LRRC4B: variants seen among roughly 807,000 people sequenced by gnomAD.
LRRC4B encodes the protein leucine-rich repeat-containing protein 4B.
In LRRC4B, 1 loss-of-function variant was observed where a neutral mutation model predicts 7.3. The observed-to-expected ratio is 0.14, with a 90% CI of 0.05 to 0.65. LRRC4B has a LOEUF of 0.65. Ranked by LOEUF, LRRC4B falls within the 30% of genes least tolerant of loss-of-function variation. The probability of loss-of-function intolerance (pLI) is 0.84; values close to 1 mark genes in which losing one functional copy is unlikely to be tolerated. For missense variants in LRRC4B, 730 were observed against 1,041.6 expected (o/e 0.70, Z 4.12); for synonymous variants, 500 against 499.2 (o/e 1.00, Z -0.02).
intron 2 of LRRC4B, among the ~76,000 whole-genome samples, chr19:50,524,681 C>T (rs950647225): frequency 6.6e-6 from 1 of 152,222 alleles, no homozygotes; most frequent in African/African-American, 2.4e-5. Flanking sequence ...CTCATTTGAA[C>T]CTGTCATCAG....
chr19:50,528,648 T>A (rs779746646), intron 2 of LRRC4B, among the ~76,000 whole-genome samples: 4 of 152,164 alleles, frequency 2.6e-5, no homozygotes, highest in Non-Finnish European at 4.4e-5. Context: ...CCCGGCCGAT[T>A]TTTTTCTTAA....
At chr19:50,524,316 G>A (rs772425987) in intron 2 of LRRC4B, among the ~76,000 whole-genome samples, 5 of 152,216 alleles carry the variant, frequency 3.3e-5, no homozygotes, top group African/African-American at 2.4e-5. Context: ...CGCAGTCTCG[G>A]CTCACTGCAG....
At chr19:50,521,672 C>T (rs377519299) in intron 2 of LRRC4B, among the ~76,000 whole-genome samples, 235 of 152,128 alleles carry the variant, frequency 1.5e-3, no homozygotes, top group African/African-American at 3.9e-3. Flanking sequence ...GTGATCCACC[C>T]GCCTCAGCCT....
At chr19:50,525,471 T>A (rs948120115) in intron 2 of LRRC4B, among the ~76,000 whole-genome samples, 3 of 150,578 alleles carry the variant, frequency 2.0e-5, no homozygotes, top group African/African-American at 7.3e-5. Flanking sequence ...AATGGCGTAA[T>A]CTTGGCTCAC....
chr19:50,560,707 A>C (rs1424092073), intron 1 of LRRC4B, among the ~76,000 whole-genome samples: 2 of 152,228 alleles, frequency 1.3e-5, no homozygotes, highest in South Asian at 4.1e-4. Flanking sequence ...CAGTCTGTGA[A>C]GATAATGACA....
At chr19:50,564,622 G>A (rs1275646147) in intron 1 of LRRC4B, among the ~76,000 whole-genome samples, 4 of 152,042 alleles carry the variant, frequency 2.6e-5, no homozygotes, top group Non-Finnish European at 5.9e-5. Flanking sequence ...TCAGTCCCAG[G>A]GAAGATGAGG....
In LRRC4B at chr19:50,549,293, C is replaced by T. The variant is rs568990449; in HGVS notation, c.-35-420G>A. Among the ~76,000 whole-genome samples the T allele has an allele frequency of 2.6e-5, 4 of 152,264 alleles. No individual in the cohort carries two copies. In the East Asian group the frequency reaches 5.8e-4, roughly 22 times the overall value. ...GACAGACAAGGCGAGGGGGCAGAAACGGGGAAGAGCAAGCGAGGTGGCGAG... is the reference window on the plus strand; with the variant it reads ...GACAGACAAGGCGAGGGGGCAGAAATGGGGAAGAGCAAGCGAGGTGGCGAG... On this transcript the variant is annotated intron_variant, in intron 1 of 2. Transcript: ENST00000652263.
rs1165971787 is a variant in LRRC4B, at chr19:50,518,348, G to A, written c.1365C>T (p.Ala455=). The A allele has an allele frequency of 3.7e-6, 6 of 1,605,510 alleles. No individual in the cohort carries two copies. Among genetic ancestry groups the A allele is most frequent in the Non-Finnish European group, 5.1e-6 (6 of 1,177,062 alleles). The change falls in exon 3 of 3, where the codon GCC becomes GCT. Residue 455 remains alanine, a synonymous_variant. Transcript: ENST00000652263. ...TGCCCCCGGCCGCCACGGGGTCCAC[G>A]GCCGAGACGTTGAGCGTGGCCGAGG... is the stretch of plus-strand genomic sequence containing the variant. The part of the protein sequence containing the change: ...TTASATLNVS[A]VDPVAAGGTG...
At chr19:50,530,743 T>C (rs1007059551) in intron 2 of LRRC4B, among the ~76,000 whole-genome samples, 33 of 149,704 alleles carry the variant, frequency 2.2e-4, no homozygotes, top group Non-Finnish European at 4.6e-4. Context: ...CCTTTTTTGT[T>C]TTTTTTTTTT....
chr19:50,551,965 C>G (rs1270664943), intron 1 of LRRC4B, among the ~76,000 whole-genome samples: 1 of 152,016 alleles, frequency 6.6e-6, no homozygotes, highest in Non-Finnish European at 1.5e-5. Context: ...GAGGCCTCCC[C>G]CTCCCCCGCT....
chr19:50,565,254 C>A (rs1982590935), intron 1 of LRRC4B, among the ~76,000 whole-genome samples: 1 of 152,200 alleles, frequency 6.6e-6, no homozygotes, highest in African/African-American at 2.4e-5. Flanking sequence ...GCTCTGGGGC[C>A]ACCTCCGTGC....
chr19:50,519,383 C>T lies in LRRC4B; in HGVS notation c.330G>A (p.Arg110=), dbSNP rs752361957. ...VIRTDTFKHL[R]HLEILQLSKN... ...TGCTCAGCTGCAGAATCTCCAGGTGCCGCAGGTGCTTGAACGTGTCCGTCC... is the reference window on the plus strand; with the variant it reads ...TGCTCAGCTGCAGAATCTCCAGGTGTCGCAGGTGCTTGAACGTGTCCGTCC... Residue 110 remains arginine, a synonymous_variant, in exon 3 of 3, where the codon CGG becomes CGA. Transcript: ENST00000652263. This position sits in a 1 kb window ranked among gnomAD's most constrained non-coding sequence, Gnocchi z 8.1. 1 of 1,606,388 alleles carries T rather than the reference C, an allele frequency of 6.2e-7. No individual in the cohort carries two copies. Among genetic ancestry groups the T allele is most frequent in the South Asian group, 1.1e-5 (1 of 91,002 alleles).
rs548296107 is a variant in LRRC4B, at chr19:50,556,048, T to C, written c.-35-7175A>G. 2.0e-4 allele frequency among the ~76,000 whole-genome samples: 30 copies of C among 152,242 alleles called. No homozygotes were observed. In the South Asian group the frequency reaches 5.6e-3, roughly 28 times the overall value. On this transcript the variant is annotated intron_variant, in intron 1 of 2. Coordinates refer to ENST00000652263, the MANE Select transcript of LRRC4B (RefSeq NM_001080457.2). The surrounding 1 kb of genome is among the most constrained non-coding windows in gnomAD (Gnocchi z 4.2). ...GTTCTGAGCCAATCCATGTCCTGAA[T>C]GCTTTCAAAATAAAAGCAGCCCCAC...
At chr19:50,528,469 C>T (rs371737923) in intron 2 of LRRC4B, among the ~76,000 whole-genome samples, 3 of 152,108 alleles carry the variant, frequency 2.0e-5, no homozygotes, top group African/African-American at 4.8e-5. Flanking sequence ...CTCAGCCTCC[C>T]GAGAAGCTGG....
intron 2 of LRRC4B, among the ~76,000 whole-genome samples, chr19:50,528,542 G>A (rs1010544900): frequency 2.6e-5 from 4 of 151,916 alleles, no homozygotes; most frequent in Admixed American, 6.6e-5. Context: ...ACAGCATTTC[G>A]CCATGCTAGC....
At chr19:50,541,052 T>C (rs543571961) in intron 2 of LRRC4B, among the ~76,000 whole-genome samples, 14 of 151,420 alleles carry the variant, frequency 9.2e-5, no homozygotes, top group East Asian at 5.9e-4. Context: ...GGCGTGCTGG[T>C]GGGTGCCTGT....
At chr19:50,529,331 A>G (rs1450371335) in intron 2 of LRRC4B, among the ~76,000 whole-genome samples, 1 of 152,056 alleles carries the variant, frequency 6.6e-6, no homozygotes, top group Non-Finnish European at 1.5e-5. Context: ...CATAATACAC[A>G]TGGGGCCCTT....
intron 1 of LRRC4B, among the ~76,000 whole-genome samples, chr19:50,550,618 T>C (rs1026700585): frequency 2.6e-5 from 4 of 151,948 alleles, no homozygotes; most frequent in African/African-American, 9.7e-5. Context: ...TCTGAGTGCA[T>C]GTGTGAGAGC....
chr19:50,564,875 A>ACC (rs917365866), intron 1 of LRRC4B, among the ~76,000 whole-genome samples: 20 of 48,510 alleles, frequency 4.1e-4, no homozygotes, highest in African/African-American at 1.4e-3. Context: ...TTCAGCGGCC[A>ACC]CCCCCGCCCC....
Sources: allele counts gnomAD v4.1 joint callset (sites outside exome capture counted in the v4.1 genomes callset), GRCh38; gene constraint gnomAD v4.1.1; non-coding constraint Gnocchi (gnomAD v3.1); transcripts MANE v1.5; gene names NCBI Gene and HGNC (gene_info 2026-07-23, HGNC 2026-07-21).